Variants in CPEB4 observed in about 807,000 individuals in gnomAD.
The protein encoded by CPEB4 is cytoplasmic polyadenylation element binding protein 4.
Under a neutral mutation model 72.5 loss-of-function variants are expected in CPEB4, and 12 were observed. The observed-to-expected ratio is 0.17, with a 90% CI of 0.11 to 0.27. CPEB4 has a LOEUF of 0.27. Among genes scored for constraint, CPEB4 ranks in the 10% least tolerant of loss-of-function variants. The pLI is 1.00. For missense variants in CPEB4, 614 were observed against 908.5 expected (o/e 0.68, Z 4.17); for synonymous variants, 302 against 326.3 (o/e 0.93, Z 0.80).
intron 1 of CPEB4, among the ~76,000 whole-genome samples, chr5:173,895,273 A>G (rs1045277191): frequency 9.9e-5 from 15 of 152,256 alleles, no homozygotes; most frequent in Non-Finnish European, 2.2e-4. Context: ...ATTTGAGTAT[A>G]GCATTTCTTT....
intron 2 of CPEB4, among the ~76,000 whole-genome samples, chr5:173,924,078 C>T (rs17695555): frequency 0.22 from 33,747 of 152,040 alleles, 4,957 homozygotes; most frequent in Non-Finnish European, 0.31. Flanking sequence ...TCCTTCCCTT[C>T]TATGAAACCT....
intron 2 of CPEB4, among the ~76,000 whole-genome samples, chr5:173,931,930 T>C (rs891788793): frequency 2.0e-5 from 3 of 152,230 alleles, no homozygotes; most frequent in Non-Finnish European, 4.4e-5. Flanking sequence ...GTGCCTACTG[T>C]GCCCTGGGCT....
intron 2 of CPEB4, among the ~76,000 whole-genome samples, chr5:173,913,339 A>G (rs1353482296): frequency 6.6e-6 from 1 of 151,968 alleles, no homozygotes; most frequent in African/African-American, 2.4e-5. Flanking sequence ...CTGGGACTAC[A>G]GGCGCCTGCC....
At chr5:173,903,054 CTGAA>C (rs1159148987) in intron 1 of CPEB4, among the ~76,000 whole-genome samples, 1 of 133,468 alleles carries the variant, frequency 7.5e-6, no homozygotes, top group African/African-American at 2.7e-5. Flanking sequence ...TTCCATGTAG[CTGAA>C]TGAAAAAAAA....
chr5:173,958,336 G>A lies in CPEB4; in HGVS notation c.*2199G>A, dbSNP rs1023381209. The A allele has an allele frequency of 2.4e-4, 36 of 152,656 alleles. No individual in the cohort carries two copies. The highest frequency in any genetic ancestry group is 8.4e-4 in the African/African-American group (35 of 41,494). 9.5% of individuals were successfully genotyped at this position (152,656 alleles called of 1,614,324 possible). A position where few individuals can be genotyped will look rare whatever the true frequency, so the allele number is the denominator to read the frequency against. ...TTTTTAGGCACACTTTTCACTGACG[G>A]GATATCTCTTTATGCAATACCTCAA... is the stretch of plus-strand genomic sequence containing the variant. On this transcript the variant is annotated 3_prime_UTR_variant, in exon 10 of 10. Transcript: ENST00000265085.
At position 173,938,273 on chromosome 5, in the gene CPEB4, T is replaced by C. The variant is rs150313355; in HGVS notation, c.1259-4753T>C. Among the ~76,000 whole-genome samples the C allele has an allele frequency of 5.9e-3, 899 of 152,334 alleles. 15 individuals are homozygous for C. The highest frequency in any genetic ancestry group is 0.02 in the African/African-American group (841 of 41,572). ...CGGAATCTCGCTCTGTTGCCCAGGC[T>C]GGAGTGCGGTGGTGCAATCTCAGCT... On this transcript the variant is annotated intron_variant, in intron 3 of 9. Coordinates refer to ENST00000265085, the MANE Select transcript of CPEB4 (RefSeq NM_030627.4).
At chr5:173,930,530 A>C (rs1757408200) in intron 2 of CPEB4, among the ~76,000 whole-genome samples, 1 of 152,202 alleles carries the variant, frequency 6.6e-6, no homozygotes, top group Non-Finnish European at 1.5e-5. Context: ...GTAAAGAATG[A>C]AACCAATTTT....
At chr5:173,912,034 G>T (rs548545576) in intron 2 of CPEB4, among the ~76,000 whole-genome samples, 42 of 147,648 alleles carry the variant, frequency 2.8e-4, no homozygotes, top group Non-Finnish European at 5.9e-4. Context: ...AAAATAATGT[G>T]TAAAAAATAG....
intron 8 of CPEB4, among the ~76,000 whole-genome samples, chr5:173,952,288 C>A (rs902311148): frequency 6.6e-6 from 1 of 152,172 alleles, no homozygotes; most frequent in Admixed American, 6.5e-5. Flanking sequence ...TTACGCTCAT[C>A]ATTGTCTGAA....
Position 173,958,063 on chromosome 5 carries a change from T to C in CPEB4, c.*1926T>C, listed in dbSNP as rs1758435010. 1 of 152,768 alleles carries C rather than the reference T, an allele frequency of 6.5e-6. No individual in the cohort carries two copies. Among genetic ancestry groups the C allele is most frequent in the Non-Finnish European group, 1.5e-5 (1 of 68,038 alleles). The allele number at this position is 152,768 out of a possible 1,614,324, so 9.5% of individuals were successfully genotyped here. On this transcript the variant is annotated 3_prime_UTR_variant, in exon 10 of 10. Transcript: ENST00000265085. ...AATTGGAATGTTCATTTGCCTCTTTTTACTCTTTTAAATGCTTGTAGGTGG... is the reference window on the plus strand; with the variant it reads ...AATTGGAATGTTCATTTGCCTCTTTCTACTCTTTTAAATGCTTGTAGGTGG...
intron 2 of CPEB4, among the ~76,000 whole-genome samples, chr5:173,918,584 C>T (rs923672966): frequency 1.3e-5 from 2 of 152,160 alleles, no homozygotes; most frequent in African/African-American, 4.8e-5. Flanking sequence ...GGACTGAAGC[C>T]TTTCTCCCTC....
chr5:173,958,696 A>G lies in CPEB4; in HGVS notation c.*2559A>G, dbSNP rs1758453085. The G allele has an allele frequency of 6.6e-6, 1 of 152,638 alleles. No individual in the cohort carries two copies. The highest frequency in any genetic ancestry group is 2.1e-4 in the South Asian group (1 of 4,830). The allele number at this position is 152,638 out of a possible 1,614,324, so 9.5% of individuals were successfully genotyped here. A position where few individuals can be genotyped will look rare whatever the true frequency, so the allele number is the denominator to read the frequency against. ...CAGATAACACTGTAGTTCCTAAAAA[A>G]AAAATTAAATGCATAAGCATAAGGT... On this transcript the variant is annotated 3_prime_UTR_variant, in exon 10 of 10. Coordinates refer to ENST00000265085, the MANE Select transcript of CPEB4 (RefSeq NM_030627.4).
In CPEB4 at chr5:173,890,831, C is replaced by T. The variant is rs777674134; in HGVS notation, c.1098C>T (p.Asn366=). The T allele has an allele frequency of 6.2e-7, 1 of 1,611,544 alleles. No homozygotes were observed. Among genetic ancestry groups the T allele is most frequent in the East Asian group, 2.2e-5 (1 of 44,862 alleles). The change falls in exon 1 of 10, where the codon AAC becomes AAT. Residue 366 remains asparagine, a synonymous_variant. Transcript: ENST00000265085. ...AATCCTGGATGGAAGATAGCTTGAA[C>T]AGGGCTGACAACATTTTTCCTTTTC... ...APKSWMEDSL[N]RADNIFPFPD...
intron 3 of CPEB4, among the ~76,000 whole-genome samples, chr5:173,940,886 A>G (rs1165231477): frequency 6.6e-6 from 1 of 152,212 alleles, no homozygotes. Flanking sequence ...ATTTAATCTC[A>G]GAATTTAACC....
rs868136335 is a variant in CPEB4 at position 173,959,529 on chromosome 5, T to G, written c.*3392T>G. 6.5e-6 allele frequency: 1 copy of G among 152,812 alleles called. No homozygotes were observed. Among genetic ancestry groups the G allele is most frequent in the Non-Finnish European group, 1.5e-5 (1 of 68,032 alleles). The allele number at this position is 152,812 out of a possible 1,614,324, so 9.5% of individuals were successfully genotyped here. A position where few individuals can be genotyped will look rare whatever the true frequency, so the allele number is the denominator to read the frequency against. On this transcript the variant is annotated 3_prime_UTR_variant, in exon 10 of 10. Coordinates refer to ENST00000265085, the MANE Select transcript of CPEB4 (RefSeq NM_030627.4). ...GAATTGTGGCAAGTTAACTTCAAGT[T>G]ATGTGCAATACTTATTTCAAACTTT... is the stretch of plus-strand genomic sequence containing the variant.
intron 7 of CPEB4, among the ~76,000 whole-genome samples, chr5:173,951,202 C>A (rs1208680420): frequency 6.6e-6 from 1 of 152,132 alleles, no homozygotes; most frequent in African/African-American, 2.4e-5. Context: ...CTGCTGTCAA[C>A]CCATAGCCTT....
intron 3 of CPEB4, among the ~76,000 whole-genome samples, chr5:173,932,792 T>G (rs1350633341): frequency 4.6e-5 from 7 of 152,192 alleles, no homozygotes; most frequent in African/African-American, 1.7e-4. Context: ...TAGAGTGACC[T>G]TTGAAATGTC....
intron 7 of CPEB4, among the ~76,000 whole-genome samples, chr5:173,951,334 TATC>T (rs1214958390): frequency 3.3e-5 from 5 of 152,106 alleles, no homozygotes; most frequent in South Asian, 2.1e-4. Context: ...CTATTGCAAA[TATC>T]ATCAGTATTT....
chr5:173,892,481 G>A (rs1755847249), intron 1 of CPEB4, among the ~76,000 whole-genome samples: 2 of 152,094 alleles, frequency 1.3e-5, no homozygotes, highest in African/African-American at 2.4e-5. Flanking sequence ...GCAAAGATAA[G>A]TTTTATGAAT....
Sources: gnomAD v4.1 joint callset for allele counts (sites outside exome capture counted in the v4.1 genomes callset) on GRCh38, gnomAD v4.1.1 for gene constraint, MANE v1.5 for transcripts, NCBI Gene and HGNC (gene_info 2026-07-23, HGNC 2026-07-21) for gene names.